COL17A1: variants seen among roughly 807,000 people sequenced by gnomAD.
COL17A1 encodes the protein collagen alpha-1(XVII) chain.
In COL17A1, 181 loss-of-function variants were observed where a neutral mutation model predicts 218.4. That is an observed-to-expected ratio of 0.83 (90% confidence interval 0.73 to 0.94). COL17A1 has a LOEUF of 0.94. Ranked by LOEUF, COL17A1 falls within the 40% of genes least tolerant of loss-of-function variation. COL17A1 has a pLI of 0.00. For missense variants in COL17A1, 1,924 were observed against 1,945.9 expected (o/e 0.99, Z 0.21); for synonymous variants, 721 against 731.0 (o/e 0.99, Z 0.22).
chr10:104,063,787 G>A lies in COL17A1; in HGVS notation c.798C>T (p.Cys266=). The A allele has an allele frequency of 1.2e-6, 2 of 1,614,218 alleles. No individual in the cohort carries two copies. Among genetic ancestry groups the A allele is most frequent in the Non-Finnish European group, 1.7e-6 (2 of 1,180,030 alleles). The change falls in exon 11 of 56, where the codon TGC becomes TGT. Residue 266 remains cysteine (C), a synonymous_variant. Coordinates refer to ENST00000648076, the MANE Select transcript of COL17A1 (RefSeq NM_000494.4). ...TGAGTCCAGGGTGCAAAGTGGGTGA[G>A]CAGGACGCCATGTTGTTTGGAACTC... The part of the protein sequence containing the change: ...VFGVPNNMAS[C]SPTLHPGLST...
In COL17A1 at chr10:104,037,667, C is replaced by T; in HGVS notation, c.3177G>A (p.Glu1059=). The change falls in exon 46 of 56, where the codon GAG becomes GAA. Residue 1059 remains glutamate (E), a synonymous_variant. Coordinates refer to ENST00000648076, the MANE Select transcript of COL17A1 (RefSeq NM_000494.4). ...TITGETFDYS[E]LASHVVSYLR... ...AGTAGCTCACAACGTGGCTTGCCAGCTCTGAGTAGTCGAAAGTCTCGCCTG... is the reference window on the plus strand; with the variant it reads ...AGTAGCTCACAACGTGGCTTGCCAGTTCTGAGTAGTCGAAAGTCTCGCCTG... 1.9e-6 allele frequency: 3 copies of T among 1,614,204 alleles called. No individual in the cohort carries two copies. Among genetic ancestry groups the T allele is most frequent in the Non-Finnish European group, 2.5e-6 (3 of 1,180,028 alleles).
At chr10:104,044,056 G>A (rs2086386730) in intron 33 of COL17A1, among the ~76,000 whole-genome samples, 196 bp from the exon 34 acceptor site, 1 of 152,250 alleles carries the variant, frequency 6.6e-6, no homozygotes, top group African/African-American at 2.4e-5. Context: ...AGTCCCTGGA[G>A]GCCAGAGCAT....
At chr10:104,054,911 C>A in intron 20 of COL17A1, 70 bp downstream of exon 20, 1 of 1,611,534 alleles carries the variant, frequency 6.2e-7, no homozygotes, top group Non-Finnish European at 8.5e-7. Context: ...GGTTTTCTGA[C>A]ACTTGCTGAT....
Position 104,032,728 on chromosome 10 carries a change from C to T in COL17A1, c.4384G>A (p.Gly1462Ser). The change falls in exon 55 of 56, where the codon GGT (glycine) becomes AGT (serine). Residue 1462 changes from glycine to serine, a missense_variant. Gly to Ser is a moderately conservative substitution (Grantham distance 56, BLOSUM62 0). Coordinates refer to ENST00000648076, the MANE Select transcript of COL17A1 (RefSeq NM_000494.4). ...KGDRGPAGPPGHPGPPGPRGH... is the reference protein window; with the variant it reads ...KGDRGPAGPPSHPGPPGPRGH... Reference sequence around the variant, plus strand: ...CGAGGGCCAGGTGGCCCAGGATGACCTGGTGGCCCAGCAGGGCCCCTGTCA... The same window carrying T: ...CGAGGGCCAGGTGGCCCAGGATGACTTGGTGGCCCAGCAGGGCCCCTGTCA... The T allele has an allele frequency of 6.2e-7, 1 of 1,614,206 alleles. No homozygotes were observed. The highest frequency in any genetic ancestry group is 8.5e-7 in the Non-Finnish European group (1 of 1,180,036).
chr10:104,074,120 TC>T (rs1564686119), intron 6 of COL17A1, 63 bp downstream of exon 6: 4 of 1,612,268 alleles, frequency 2.5e-6, no homozygotes, highest in East Asian at 4.5e-5. Flanking sequence ...CCACTTCATC[TC>T]CCCCAGGGAT....
At chr10:104,077,863 G>C (rs2086725645) in intron 3 of COL17A1, among the ~76,000 whole-genome samples, 1 of 152,238 alleles carries the variant, frequency 6.6e-6, no homozygotes, top group African/African-American at 2.4e-5. Flanking sequence ...AGCTCCTTGA[G>C]TCCAGGACCT....
chr10:104,044,181 G>A (rs1298485757), intron 33 of COL17A1, among the ~76,000 whole-genome samples: 1 of 152,206 alleles, frequency 6.6e-6, no homozygotes, highest in Non-Finnish European at 1.5e-5. Flanking sequence ...CACCACCTCT[G>A]CCTGGGAATC....
In COL17A1 at chr10:104,034,235, C is replaced by A; in HGVS notation, c.3866G>T (p.Ser1289Ile). 6.2e-7 allele frequency: 1 copy of A among 1,611,528 alleles called. No homozygotes were observed. Among genetic ancestry groups the A allele is most frequent in the Non-Finnish European group, 8.5e-7 (1 of 1,179,560 alleles). ...SRLLSTDASH[S>I]RGSSSSSHSS... ...GTGTGAGGAGGAGCTGCTACCCCGA[C>A]TGTGGGAGGCATCCGTGGACAGGAG... Residue 1289 changes from serine (S) to isoleucine (I), a missense_variant, in exon 52 of 56, where the codon AGT becomes ATT. Coordinates refer to ENST00000648076, the MANE Select transcript of COL17A1 (RefSeq NM_000494.4).
In COL17A1 at chr10:104,054,989, C is replaced by T. The variant is rs376195230; in HGVS notation, c.1736G>A (p.Gly579Asp). The T allele has an allele frequency of 1.2e-6, 2 of 1,614,016 alleles. No individual in the cohort carries two copies. Among genetic ancestry groups the T allele is most frequent in the African/African-American group, 1.3e-5 (1 of 74,902 alleles). The part of the protein sequence containing the change: ...PGPKGDMGSP[G>D]PKGDRGFPGT... ...GCCCATGTTATAATTACCTTTAGGG[C>T]CTGGACTTCCCATGTCACCTGAAAC... The change falls in exon 20 of 56, where the codon GGC (glycine) becomes GAC (aspartate). Residue 579 changes from glycine to aspartate, a missense_variant. Gly to Asp is a moderately conservative substitution (Grantham distance 94). Transcript: ENST00000648076.
At chr10:104,063,507 G>A (rs1748482112) in intron 11 of COL17A1, 1 of 577,000 alleles carries the variant, frequency 1.7e-6, no homozygotes, top group African/African-American at 1.9e-5. Flanking sequence ...AACTCTTCCA[G>A]AAAATAAAGG....
Position 104,053,085 on chromosome 10 carries a change from T to C in COL17A1, c.1885A>G (p.Met629Val), listed in dbSNP as rs755022623. ...PMGQRGREGP[M>V]GPRGEAGPPG... ...GGCCCTGCCTCACCACGAGGTCCCATGGGGCCTTCTCGCCCTCTCTGGCCC... is the reference window on the plus strand; with the variant it reads ...GGCCCTGCCTCACCACGAGGTCCCACGGGGCCTTCTCGCCCTCTCTGGCCC... The change falls in exon 23 of 56, where the codon ATG becomes GTG. Residue 629 changes from methionine to valine, a missense_variant. Transcript: ENST00000648076. 2.8e-5 allele frequency: 45 copies of C among 1,613,884 alleles called. No homozygotes were observed. In the Middle Eastern group the frequency reaches 9.9e-4, roughly 35 times the overall value.
intron 9 of COL17A1, among the ~76,000 whole-genome samples, chr10:104,069,305 AC>A (rs1303011694): frequency 6.6e-6 from 1 of 152,182 alleles, no homozygotes; most frequent in Non-Finnish European, 1.5e-5. Context: ...TAATCTTAAA[AC>A]AAATTATACC....
In COL17A1 at chr10:104,053,923, C is replaced by T. The variant is rs141307271; in HGVS notation, c.1831G>A (p.Val611Met). 564 of 1,571,356 alleles carry T rather than the reference C, an allele frequency of 3.6e-4. No homozygotes were observed. In the African/African-American group the frequency reaches 4.6e-3, roughly 13 times the overall value. ...PQGPKGQKGSVGDPGMEGPMG... is the reference protein window; with the variant it reads ...PQGPKGQKGSMGDPGMEGPMG... Reference sequence around the variant, plus strand: ...TAAAGAAAAATGTGTTTCTTACCCACGCTGCCTTTTTGACCCTTTGGTCCT... The same window carrying T: ...TAAAGAAAAATGTGTTTCTTACCCATGCTGCCTTTTTGACCCTTTGGTCCT... The change falls in exon 22 of 56, where the codon GTG becomes ATG. Residue 611 changes from valine (V) to methionine (M), a missense_variant. Val to Met is a conservative substitution (Grantham distance 21). Coordinates refer to ENST00000648076, the MANE Select transcript of COL17A1 (RefSeq NM_000494.4).
chr10:104,051,968 C>A (rs983741325), intron 24 of COL17A1, among the ~76,000 whole-genome samples, 187 bp downstream of exon 24: 1 of 152,166 alleles, frequency 6.6e-6, no homozygotes, highest in African/African-American at 2.4e-5. Flanking sequence ...AAACTTACAG[C>A]CCTAGTCTTG....
rs113402316 is a variant in COL17A1, at chr10:104,065,949, A to G, written c.608-1353T>C. 2.3e-3 allele frequency among the ~76,000 whole-genome samples: 350 copies of G among 152,324 alleles called. 1 individual carries two copies. Among genetic ancestry groups the G allele is most frequent in the African/African-American group, 7.3e-3 (305 of 41,562 alleles). On this transcript the variant is annotated intron_variant, in intron 9 of 55. Coordinates refer to ENST00000648076, the MANE Select transcript of COL17A1 (RefSeq NM_000494.4). Reference sequence around the variant, plus strand: ...TTCTTAAATCAGCTTAGGTCAGCAAACTACAGAAGAAACAGGATATACTAG... The same window carrying G: ...TTCTTAAATCAGCTTAGGTCAGCAAGCTACAGAAGAAACAGGATATACTAG...
intron 33 of COL17A1, among the ~76,000 whole-genome samples, chr10:104,044,110 G>C (rs774741257): frequency 4.6e-5 from 7 of 152,258 alleles, no homozygotes; most frequent in Non-Finnish European, 1.0e-4. Flanking sequence ...GATGTGGAAA[G>C]CTTGCCTTTC....
At chr10:104,073,039 G>A (rs925349548) in intron 7 of COL17A1, among the ~76,000 whole-genome samples, 171 bp downstream of exon 7, 2 of 152,194 alleles carry the variant, frequency 1.3e-5, no homozygotes, top group South Asian at 2.1e-4. Flanking sequence ...TTCCCCTCCC[G>A]ATAGAGCCGG....
In COL17A1 at chr10:104,038,546, C is replaced by T. The variant is rs373812407; in HGVS notation, c.2948-18G>A. 2 of 1,608,366 alleles carry T rather than the reference C, an allele frequency of 1.2e-6. No homozygotes were observed. The highest frequency in any genetic ancestry group is 1.7e-6 in the Non-Finnish European group (2 of 1,179,898). On this transcript the variant is annotated intron_variant, in intron 44 of 55. Transcript: ENST00000648076. The stretch of plus-strand genomic sequence containing the variant: ...TGATCCCCCTGCAGCAAAGAGAAAG[C>T]GTCCTGTGTCGGTTTCTCCACCCTA...
intron 44 of COL17A1, 98 bp downstream of exon 44, chr10:104,038,973 T>C: frequency 1.3e-5 from 17 of 1,312,018 alleles, no homozygotes; most frequent in Middle Eastern, 1.8e-4. Flanking sequence ...CAACGAATCA[T>C]GGAGAAATGA....
Sources: gnomAD v4.1 joint callset for allele counts (sites outside exome capture counted in the v4.1 genomes callset) on GRCh38, gnomAD v4.1.1 for gene constraint, MANE v1.5 for transcripts, NCBI Gene and HGNC (gene_info 2026-07-23, HGNC 2026-07-21) for gene names.